The following CREB5 variants were observed in gnomAD, a reference collection of about 807,000 sequenced individuals.
CREB5 encodes cyclic AMP-responsive element-binding protein 5.
In CREB5, 19 loss-of-function variants were observed where a neutral mutation model predicts 57.1. The ratio of observed to expected loss-of-function variants is 0.33; its 90% CI spans 0.23 to 0.49. CREB5 has a LOEUF of 0.49. CREB5 is among the 20% of genes least tolerant of loss of function. The pLI, the probability that CREB5 is intolerant of heterozygous loss-of-function variation, is 0.99. For synonymous variants in CREB5, 238 were observed against 238.3 expected (o/e 1.00, Z 0.01); for missense variants, 579 against 671.6 (o/e 0.86, Z 1.52).
intron 1 of CREB5, among the ~76,000 whole-genome samples, chr7:28,381,950 C>T (rs1194001849): frequency 6.6e-6 from 1 of 152,164 alleles, no homozygotes; most frequent in Non-Finnish European, 1.5e-5. Flanking sequence ...AAGGCTAAGT[C>T]CCACCACAGA....
At chr7:28,466,582 C>T (rs1206610479) in intron 1 of CREB5, among the ~76,000 whole-genome samples, 3 of 152,134 alleles carry the variant, frequency 2.0e-5, no homozygotes, top group Non-Finnish European at 4.4e-5. Flanking sequence ...CTAAGCTTTT[C>T]GTGTCACAAG....
chr7:28,532,257 T>C (rs1169908153), intron 4 of CREB5, among the ~76,000 whole-genome samples: 1 of 152,124 alleles, frequency 6.6e-6, no homozygotes, highest in Admixed American at 6.5e-5. Flanking sequence ...CCAGTCCCGG[T>C]CAAACCTTCA....
intron 1 of CREB5, among the ~76,000 whole-genome samples, chr7:28,355,444 T>C (rs12535313): frequency 0.13 from 19,113 of 152,276 alleles, 1,333 homozygotes; most frequent in Middle Eastern, 0.16. Flanking sequence ...CTTAAAATCA[T>C]AATAAGACTT....
intron 4 of CREB5, among the ~76,000 whole-genome samples, chr7:28,515,870 T>TA (rs5883145): frequency 2.1e-5 from 3 of 141,914 alleles, no homozygotes; most frequent in East Asian, 2.1e-4. Context: ...TGAATGCATT[T>TA]AAAAAAAAAC....
At chr7:28,354,831 G>A (rs920451119) in intron 1 of CREB5, among the ~76,000 whole-genome samples, 2 of 152,208 alleles carry the variant, frequency 1.3e-5, no homozygotes, top group Admixed American at 1.3e-4. Flanking sequence ...AATGGGAGAA[G>A]CTCACTAGGA....
intron 1 of CREB5, among the ~76,000 whole-genome samples, chr7:28,483,269 C>T (rs929546367): frequency 3.9e-5 from 6 of 152,166 alleles, no homozygotes; most frequent in Non-Finnish European, 5.9e-5. Context: ...ACATTGTGGA[C>T]GATTTCCCAT....
chr7:28,703,406 A>G (rs1801960631), intron 5 of CREB5, among the ~76,000 whole-genome samples: 1 of 152,196 alleles, frequency 6.6e-6, no homozygotes, highest in African/African-American at 2.4e-5. Flanking sequence ...TATGAGGGGA[A>G]AGATCTAAAG....
Position 28,804,048 on chromosome 7 carries a change from GTACTGGTAGCAAGATAGC to G in CREB5, c.703-141_703-124del, listed in dbSNP as rs1449563696. 6 of 717,236 alleles carry G rather than the reference GTACTGGTAGCAAGATAGC, an allele frequency of 8.4e-6. No homozygotes were observed. In the East Asian group the frequency reaches 1.1e-4, roughly 13 times the overall value. 44.4% of individuals were successfully genotyped at this position (717,236 alleles called of 1,614,324 possible). ...ATGAAATTAATATAAAAGCTATCTT[GTACTGGTAGCAAGATAGC>G]TACTGGTAGGAAACATTAACAATAG... On this transcript the variant is annotated intron_variant, in intron 7 of 10. Transcript: ENST00000357727.
intron 7 of CREB5, among the ~76,000 whole-genome samples, chr7:28,762,798 G>A (rs1805735899): frequency 6.6e-6 from 1 of 151,244 alleles, no homozygotes; most frequent in East Asian, 1.9e-4. Context: ...GAGAGAAAGT[G>A]CATTTCTTTT....
chr7:28,507,485 G>C, intron 3 of CREB5, 131 bp from the exon 4 acceptor site: 1 of 1,070,668 alleles, frequency 9.3e-7, no homozygotes, highest in South Asian at 2.0e-5. Flanking sequence ...TTATTTAAAG[G>C]GCCAAGAGAC....
At chr7:28,744,592 C>T (rs1329706836) in intron 7 of CREB5, among the ~76,000 whole-genome samples, 1 of 152,046 alleles carries the variant, frequency 6.6e-6, no homozygotes, top group Non-Finnish European at 1.5e-5. Context: ...AGGTGATCCA[C>T]CCGCCTCGGC....
At chr7:28,562,821 A>G (rs1025784046) in intron 4 of CREB5, among the ~76,000 whole-genome samples, 1 of 152,266 alleles carries the variant, frequency 6.6e-6, no homozygotes, top group African/African-American at 2.4e-5. Flanking sequence ...CTCAGACCAC[A>G]TACCAATATT....
intron 1 of CREB5, among the ~76,000 whole-genome samples, chr7:28,355,550 GC>G (rs797019862): frequency 9.9e-5 from 15 of 152,246 alleles, no homozygotes; most frequent in African/African-American, 3.6e-4. Flanking sequence ...CAGCAGTGGA[GC>G]CTGTTATATT....
intron 1 of CREB5, among the ~76,000 whole-genome samples, chr7:28,448,390 T>G (rs1405558462): frequency 6.6e-6 from 1 of 152,248 alleles, no homozygotes; most frequent in Admixed American, 6.5e-5. Flanking sequence ...TTATTTTTTA[T>G]TGCTTCCAAT....
At chr7:28,429,068 C>G (rs763954504) in intron 1 of CREB5, among the ~76,000 whole-genome samples, 1 of 152,184 alleles carries the variant, frequency 6.6e-6, no homozygotes, top group Non-Finnish European at 1.5e-5. Flanking sequence ...CTCTGCCACC[C>G]AGGCTAGGGT....
chr7:28,811,887 A>C (rs1583803752), intron 9 of CREB5, among the ~76,000 whole-genome samples: 1 of 152,178 alleles, frequency 6.6e-6, no homozygotes, highest in Non-Finnish European at 1.5e-5. Flanking sequence ...AAGTGGGGGG[A>C]ATCCCAGGAA....
Position 28,560,827 on chromosome 7 carries a change from C to CGCGTGCGT in CREB5, c.292-9535_292-9534insTGCGTGCG, listed in dbSNP as rs1795085404. Among the ~76,000 whole-genome samples the CGCGTGCGT allele has an allele frequency of 1.9e-4, 17 of 89,102 alleles. No homozygotes were observed. In the East Asian group the frequency reaches 3.2e-3, roughly 17 times the overall value. 58.5% of individuals were successfully genotyped at this position (89,102 alleles called of 152,430 possible). On this transcript the variant is annotated intron_variant, in intron 4 of 10. Coordinates refer to ENST00000357727, the MANE Select transcript of CREB5 (RefSeq NM_182898.4). ...GTGTGCGCGTGTGTGTGTGTGCGCGCGCGCGCGTGTGTGTGTGCGCGTGTG... is the reference window on the plus strand; with the variant it reads ...GTGTGCGCGTGTGTGTGTGTGCGCGCGCGTGCGTGCGCGCGTGTGTGTGTGCGCGTGTG...
At chr7:28,560,879 C>CGCGCGTGCGTGTGTGTGCGT (rs1795131480) in intron 4 of CREB5, among the ~76,000 whole-genome samples, 8 of 22,060 alleles carry the variant, frequency 3.6e-4, no homozygotes, top group Non-Finnish European at 6.2e-4. Flanking sequence ...CGTGCGCGTG[C>CGCGCGTGCGTGTGTGTGCGT]GTGCGTGCGT....
intron 1 of CREB5, among the ~76,000 whole-genome samples, chr7:28,367,475 T>G (rs1276607481): frequency 6.6e-6 from 1 of 152,200 alleles, no homozygotes; most frequent in Non-Finnish European, 1.5e-5. Context: ...ATTTCTCTTT[T>G]TCATCACTTC....
Sources: allele counts gnomAD v4.1 joint callset (sites outside exome capture counted in the v4.1 genomes callset), GRCh38; gene constraint gnomAD v4.1.1; transcripts MANE v1.5; gene names NCBI Gene and HGNC (gene_info 2026-07-23, HGNC 2026-07-21).